SGIP1: variants seen among roughly 807,000 people sequenced by gnomAD.
SGIP1 encodes SH3-containing GRB2-like protein 3-interacting protein 1.
SGIP1 carries 38 observed loss-of-function variants against 107.5 expected under a neutral mutation model. That is an observed-to-expected ratio of 0.35 (90% CI 0.27 to 0.46). The LOEUF is 0.46. Among genes scored for constraint, SGIP1 ranks in the 20% least tolerant of loss-of-function variants. The pLI is 1.00. For missense variants in SGIP1, 929 were observed against 1,019.5 expected (o/e 0.91, Z 1.21); for synonymous variants, 365 against 366.1 (o/e 1.00, Z 0.03).
chr1:66,688,304 T>C (rs532127737), intron 15 of SGIP1, among the ~76,000 whole-genome samples: 2 of 152,342 alleles, frequency 1.3e-5, no homozygotes, highest in South Asian at 4.2e-4. Context: ...TTTCCTTGTG[T>C]ATCTCAGACA....
chr1:66,633,642 C>G (rs1356592942), intron 3 of SGIP1, among the ~76,000 whole-genome samples: 3 of 152,134 alleles, frequency 2.0e-5, no homozygotes, highest in African/African-American at 7.2e-5. Context: ...AACTCTGACT[C>G]CTTGCTGGCC....
intron 7 of SGIP1, among the ~76,000 whole-genome samples, chr1:66,659,106 G>A (rs2080370950): frequency 6.6e-6 from 1 of 152,178 alleles, no homozygotes; most frequent in South Asian, 2.1e-4. Flanking sequence ...ATAGAATGGA[G>A]TTGGCATTCT....
At chr1:66,638,091 A>T (rs761975927) in intron 4 of SGIP1, among the ~76,000 whole-genome samples, 42 of 152,044 alleles carry the variant, frequency 2.8e-4, no homozygotes, top group Non-Finnish European at 5.7e-4. Flanking sequence ...TTGATCTCCT[A>T]TCAATATAAA....
At chr1:66,554,804 A>G (rs188814845) in intron 1 of SGIP1, among the ~76,000 whole-genome samples, 3 of 152,264 alleles carry the variant, frequency 2.0e-5, no homozygotes, top group Admixed American at 2.0e-4. Context: ...CTCAACCTGT[A>G]ATAGAAAGAG....
intron 18 of SGIP1, among the ~76,000 whole-genome samples, chr1:66,697,859 A>G (rs1350922391): frequency 1.3e-5 from 2 of 152,138 alleles, no homozygotes; most frequent in Non-Finnish European, 2.9e-5. Context: ...AACATGCTTT[A>G]TTAAATAGGA....
At chr1:66,573,173 C>T (rs1018749488) in intron 1 of SGIP1, among the ~76,000 whole-genome samples, 3 of 151,976 alleles carry the variant, frequency 2.0e-5, no homozygotes, top group African/African-American at 7.2e-5. Flanking sequence ...TACTAAAAAT[C>T]ATTGAATTAT....
intron 1 of SGIP1, among the ~76,000 whole-genome samples, chr1:66,554,204 A>C (rs566732659): frequency 4.3e-4 from 65 of 152,276 alleles, no homozygotes; most frequent in Non-Finnish European, 5.9e-4. Flanking sequence ...ATTTCAGAAC[A>C]AGATGCTCCA....
At chr1:66,636,051 G>T in intron 4 of SGIP1, 36 bp downstream of exon 4, 1 of 1,592,502 alleles carries the variant, frequency 6.3e-7, no homozygotes, top group Non-Finnish European at 8.6e-7. Context: ...ATTTCCAAAG[G>T]GTTATAAAAA....
rs774716257 is a variant in SGIP1, at chr1:66,748,134, T to C, written c.*5039T>C. On this transcript the variant is annotated 3_prime_UTR_variant, in exon 25 of 25. Coordinates refer to ENST00000371037, the MANE Select transcript of SGIP1 (RefSeq NM_032291.4). ...GTTTTATTGTATTTTCCCTGCTCCTTTAGGCTTTTTTTTCATGTGGAAAAC... is the reference window on the plus strand; with the variant it reads ...GTTTTATTGTATTTTCCCTGCTCCTCTAGGCTTTTTTTTCATGTGGAAAAC... The C allele has an allele frequency of 6.6e-6, 1 of 151,970 alleles. No individual in the cohort carries two copies. Among genetic ancestry groups the C allele is most frequent in the Non-Finnish European group, 1.5e-5 (1 of 67,856 alleles). The allele number at this position is 151,970 out of a possible 1,614,324, so 9.4% of individuals were successfully genotyped here.
chr1:66,667,378 A>G (rs2082809811), intron 8 of SGIP1, 152 bp from the exon 9 acceptor site: 1 of 752,114 alleles, frequency 1.3e-6, no homozygotes, highest in Non-Finnish European at 2.3e-6. Context: ...AATAAGCCCT[A>G]AACACTAGGA....
At chr1:66,586,425 G>A (rs1216195825) in intron 1 of SGIP1, among the ~76,000 whole-genome samples, 1 of 151,914 alleles carries the variant, frequency 6.6e-6, no homozygotes, top group Non-Finnish European at 1.5e-5. Context: ...CCTTCCTGAA[G>A]GTTACTTGAA....
At chr1:66,713,822 T>C (rs2093067393) in intron 18 of SGIP1, among the ~76,000 whole-genome samples, 1 of 152,110 alleles carries the variant, frequency 6.6e-6, no homozygotes, top group Admixed American at 6.6e-5. Flanking sequence ...TATCTCCTAT[T>C]GACACAAGTA....
At position 66,740,639 on chromosome 1, in the gene SGIP1, T is replaced by C. The variant is rs1013072887; in HGVS notation, c.2235-19T>C. 1.3e-6 allele frequency: 2 copies of C among 1,564,472 alleles called. No homozygotes were observed. The highest frequency in any genetic ancestry group is 1.8e-6 in the Non-Finnish European group (2 of 1,140,652). On this transcript the variant is annotated intron_variant, in intron 22 of 24. Transcript: ENST00000371037. ...AAACTCTTGGATATGCAAAAACCTT[T>C]TACCTAATTTATTTTTAGGAATGCT...
At chr1:66,675,512 T>C (rs1318441117) in intron 12 of SGIP1, among the ~76,000 whole-genome samples, 2 of 149,244 alleles carry the variant, frequency 1.3e-5, no homozygotes, top group Admixed American at 6.8e-5. Flanking sequence ...TGTCTTTCTT[T>C]TTCGTTGTTT....
At chr1:66,554,707 T>G (rs1219234141) in intron 1 of SGIP1, among the ~76,000 whole-genome samples, 2 of 152,052 alleles carry the variant, frequency 1.3e-5, no homozygotes, top group Non-Finnish European at 2.9e-5. Context: ...CCAAGATACC[T>G]CCTAAGGCAT....
At chr1:66,700,629 A>ATT (rs2091770228) in intron 18 of SGIP1, among the ~76,000 whole-genome samples, 2 of 147,638 alleles carry the variant, frequency 1.4e-5, no homozygotes, top group Non-Finnish European at 3.0e-5. Context: ...ATGTATAATA[A>ATT]TCAAATCAGA....
chr1:66,720,172 T>C (rs2093453628), intron 19 of SGIP1, among the ~76,000 whole-genome samples: 1 of 152,206 alleles, frequency 6.6e-6, no homozygotes, highest in Admixed American at 6.5e-5. Context: ...TGTGTGTGCA[T>C]GTGTGCATTA....
At chr1:66,742,297 G>C (rs1008392496) in intron 24 of SGIP1, among the ~76,000 whole-genome samples, 1 of 151,798 alleles carries the variant, frequency 6.6e-6, no homozygotes, top group Admixed American at 6.6e-5. Context: ...TTTTCAATTG[G>C]GGGAGAGGAA....
chr1:66,618,839 C>T (rs984299136), intron 1 of SGIP1, among the ~76,000 whole-genome samples: 19 of 152,142 alleles, frequency 1.2e-4, no homozygotes, highest in South Asian at 2.1e-4. Context: ...GAAAGTAGCA[C>T]GGTACCTCTT....
Sources: gnomAD v4.1 joint callset for allele counts (sites outside exome capture counted in the v4.1 genomes callset) on GRCh38, gnomAD v4.1.1 for gene constraint, MANE v1.5 for transcripts, NCBI Gene and HGNC (gene_info 2026-07-23, HGNC 2026-07-21) for gene names.